CFAP95: variants seen among roughly 807,000 people sequenced by gnomAD.
CFAP95 encodes the protein cilia- and flagella-associated protein 95.
the CFAP95 span, among the ~76,000 whole-genome samples, chr9:69,888,572 G>T: frequency 6.6e-6 from 1 of 152,134 alleles, no homozygotes; most frequent in African/African-American, 2.4e-5. Flanking sequence ...AATTGTCAAT[G>T]TTTTCAAAAC....
chr9:69,859,700 T>C, the CFAP95 span, among the ~76,000 whole-genome samples: 4 of 152,216 alleles, frequency 2.6e-5, no homozygotes, highest in South Asian at 2.1e-4. Context: ...GGGGATATGT[T>C]CCGAGAAATG....
the CFAP95 span, among the ~76,000 whole-genome samples, chr9:69,891,766 A>G: frequency 6.6e-6 from 1 of 152,066 alleles, no homozygotes; most frequent in African/African-American, 2.4e-5. Context: ...TTGAATCCTT[A>G]CCTATTTTTG....
At chr9:69,881,790 C>A in the CFAP95 span, among the ~76,000 whole-genome samples, 62,676 of 151,958 alleles carry the variant, frequency 0.41, 13,880 homozygotes, top group Middle Eastern at 0.69. Flanking sequence ...GTTTTCCAAG[C>A]CATGAACATA....
the CFAP95 span, among the ~76,000 whole-genome samples, chr9:69,863,909 C>T: frequency 6.6e-6 from 1 of 151,990 alleles, no homozygotes; most frequent in African/African-American, 2.4e-5. Flanking sequence ...AAAATATATA[C>T]ACATATAAAC....
At chr9:69,870,465 G>T in the CFAP95 span, among the ~76,000 whole-genome samples, 8 of 152,230 alleles carry the variant, frequency 5.3e-5, no homozygotes, top group Non-Finnish European at 7.3e-5. Flanking sequence ...ATGTCGTCAA[G>T]AATTTGGATC....
chr9:69,846,494 T>C, the CFAP95 span, among the ~76,000 whole-genome samples: 1 of 152,350 alleles, frequency 6.6e-6, no homozygotes, highest in Admixed American at 6.5e-5. Flanking sequence ...TAATAGCAAT[T>C]TACATTTTTC....
the CFAP95 span, among the ~76,000 whole-genome samples, chr9:69,891,032 A>G: frequency 6.6e-6 from 1 of 152,170 alleles, no homozygotes; most frequent in East Asian, 1.9e-4. Flanking sequence ...TCTTGAAAGT[A>G]CCTCCATCAT....
chr9:69,875,297 TAA>T, the CFAP95 span, among the ~76,000 whole-genome samples: 8 of 152,328 alleles, frequency 5.3e-5, no homozygotes, highest in African/African-American at 1.9e-4. Flanking sequence ...TTCAATATTA[TAA>T]AAGTTTCCAT....
chr9:69,844,754 G>A, the CFAP95 span: 1 of 598,468 alleles, frequency 1.7e-6, no homozygotes, highest in Non-Finnish European at 2.8e-6. Flanking sequence ...AGATGACTTA[G>A]TCACTGTGTG....
At chr9:69,844,167 G>A in the CFAP95 span, among the ~76,000 whole-genome samples, 1 of 152,134 alleles carries the variant, frequency 6.6e-6, no homozygotes, top group Non-Finnish European at 1.5e-5. Flanking sequence ...AAAGTGGAAA[G>A]TTGCCTTTCC....
At chr9:69,822,310 A>G in the CFAP95 span, among the ~76,000 whole-genome samples, 1 of 152,238 alleles carries the variant, frequency 6.6e-6, no homozygotes, top group East Asian at 1.9e-4. Flanking sequence ...TTCATGTAAT[A>G]TATGCGACCC....
At chr9:69,902,509 T>C in the CFAP95 span, 2 of 295,436 alleles carry the variant, frequency 6.8e-6, no homozygotes, top group South Asian at 2.9e-5. Context: ...GGTGGTTATA[T>C]ACATGGAAAG....
the CFAP95 span, among the ~76,000 whole-genome samples, chr9:69,821,741 CT>C: frequency 0.19 from 27,122 of 145,962 alleles, 2,691 homozygotes; most frequent in Admixed American, 0.26. Flanking sequence ...GCTCTGTTTA[CT>C]TTTTTTTTTT....
chr9:69,857,376 G>A, the CFAP95 span, among the ~76,000 whole-genome samples: 2 of 152,124 alleles, frequency 1.3e-5, no homozygotes, highest in Non-Finnish European at 2.9e-5. Context: ...TACTGTAATT[G>A]TTGAAAAATG....
the CFAP95 span, among the ~76,000 whole-genome samples, chr9:69,850,118 C>A: frequency 6.6e-6 from 1 of 152,160 alleles, no homozygotes; most frequent in African/African-American, 2.4e-5. Context: ...CAAAGAAAGA[C>A]CACTTCTGAG....
At chr9:69,837,521 A>C in the CFAP95 span, among the ~76,000 whole-genome samples, 1 of 152,160 alleles carries the variant, frequency 6.6e-6, no homozygotes, top group Non-Finnish European at 1.5e-5. Context: ...TGGCTGCATA[A>C]ATGTCTTCTT....
At chr9:69,877,903 T>C in the CFAP95 span, among the ~76,000 whole-genome samples, 1 of 152,160 alleles carries the variant, frequency 6.6e-6, no homozygotes, top group Non-Finnish European at 1.5e-5. Flanking sequence ...ATGAGCTTAG[T>C]TTTTATTCTT....
At chr9:69,893,067 A>G in the CFAP95 span, among the ~76,000 whole-genome samples, 2 of 152,202 alleles carry the variant, frequency 1.3e-5, no homozygotes, top group Admixed American at 6.5e-5. Flanking sequence ...GAGCTGTTAA[A>G]CACTTAGCCA....
At chr9:69,862,161 A>G in the CFAP95 span, among the ~76,000 whole-genome samples, 1 of 152,216 alleles carries the variant, frequency 6.6e-6, no homozygotes, top group South Asian at 2.1e-4. Context: ...ATTATTTCTG[A>G]TGTTGAACAG....
Sources: gnomAD v4.1 joint callset for allele counts (sites outside exome capture counted in the v4.1 genomes callset) on GRCh38, gnomAD v4.1.1 for gene constraint, MANE v1.5 for transcripts, NCBI Gene and HGNC (gene_info 2026-07-23, HGNC 2026-07-21) for gene names.